The following PTPRE variants were observed in gnomAD, a reference collection of about 807,000 sequenced individuals.
The protein encoded by PTPRE is receptor-type tyrosine-protein phosphatase epsilon.
Under a neutral mutation model 102.0 loss-of-function variants are expected in PTPRE, and 51 were observed. That is an observed-to-expected ratio of 0.50 (90% CI 0.40 to 0.63). PTPRE has a LOEUF of 0.63. Ranked by LOEUF, PTPRE falls within the 30% of genes least tolerant of loss-of-function variation. PTPRE has a pLI of 0.00. For missense variants in PTPRE, 752 were observed against 915.1 expected (o/e 0.82, Z 2.30); for synonymous variants, 345 against 348.2 (o/e 0.99, Z 0.10).
intron 1 of PTPRE, chr10:127,964,845 T>G: frequency 3.1e-6 from 1 of 325,858 alleles, no homozygotes; most frequent in Admixed American, 4.2e-5. Flanking sequence ...TTGCAGCCAG[T>G]TGTCTAGTTG....
chr10:128,055,380 G>C (rs1030115191), intron 6 of PTPRE, among the ~76,000 whole-genome samples: 1 of 152,154 alleles, frequency 6.6e-6, no homozygotes, highest in South Asian at 2.1e-4. Flanking sequence ...TGCTCAGAGG[G>C]GATAGGGGCC....
chr10:127,987,343 T>A (rs1471811635), intron 2 of PTPRE: 1 of 1,280,068 alleles, frequency 7.8e-7, no homozygotes, highest in Non-Finnish European at 1.0e-6. Context: ...CAGGGAAACA[T>A]GGATTCTCCA....
intron 2 of PTPRE, among the ~76,000 whole-genome samples, chr10:127,992,153 G>A (rs979958463): frequency 6.6e-6 from 1 of 152,164 alleles, no homozygotes; most frequent in Non-Finnish European, 1.5e-5. Flanking sequence ...TCAGAGGGGT[G>A]AGAAAGGGAG....
chr10:128,060,329 C>T (rs1266278417), intron 7 of PTPRE, among the ~76,000 whole-genome samples: 1 of 152,278 alleles, frequency 6.6e-6, no homozygotes, highest in East Asian at 1.9e-4. Flanking sequence ...CAGCCTTCTA[C>T]CCCGGAAAAC....
intron 2 of PTPRE, among the ~76,000 whole-genome samples, chr10:128,003,998 T>A (rs1177895744): frequency 4.1e-5 from 6 of 148,034 alleles, no homozygotes; most frequent in Middle Eastern, 3.4e-3. Context: ...TGTAGGACAA[T>A]TTACACATGA....
At chr10:127,926,781 G>A (rs1847042305) in intron 1 of PTPRE, among the ~76,000 whole-genome samples, 1 of 149,196 alleles carries the variant, frequency 6.7e-6, no homozygotes, top group African/African-American at 2.5e-5. Context: ...GGAAGTGAGA[G>A]AGACCAAGGG....
At chr10:127,937,618 G>T (rs1013614578) in intron 1 of PTPRE, among the ~76,000 whole-genome samples, 2 of 152,326 alleles carry the variant, frequency 1.3e-5, no homozygotes, top group Admixed American at 1.3e-4. Context: ...CAGCACTTTG[G>T]GAGGTCAAGG....
Position 128,084,865 on chromosome 10 carries a change from G to C in PTPRE, c.*1959G>C. On this transcript the variant is annotated 3_prime_UTR_variant, in exon 21 of 21. Transcript: ENST00000254667. ...TCAAAGTCGAGGGGCACCGGCTTTG[G>C]TTCATGTCTAGGAGCCCTCTGTCAG... 5.4e-6 allele frequency: 1 copy of C among 183,822 alleles called. No individual in the cohort carries two copies. The highest frequency in any genetic ancestry group is 1.2e-5 in the Non-Finnish European group (1 of 84,344). The allele number at this position is 183,822 out of a possible 1,614,324, so 11.4% of individuals were successfully genotyped here.
intron 1 of PTPRE, among the ~76,000 whole-genome samples, chr10:127,954,738 G>A (rs1400214057): frequency 6.6e-6 from 1 of 152,018 alleles, no homozygotes; most frequent in East Asian, 1.9e-4. Context: ...TCCAACATAT[G>A]ATGCTCTTTC....
intron 3 of PTPRE, among the ~76,000 whole-genome samples, chr10:128,041,827 G>A (rs1329607972): frequency 1.3e-5 from 2 of 152,040 alleles, no homozygotes; most frequent in Non-Finnish European, 2.9e-5. Context: ...GGAAGTGGGG[G>A]TGGGGGCTTG....
intron 1 of PTPRE, among the ~76,000 whole-genome samples, chr10:127,939,947 C>A (rs557465041): frequency 6.7e-6 from 1 of 149,830 alleles, no homozygotes; most frequent in Non-Finnish European, 1.5e-5. Flanking sequence ...CAGGAGGAGG[C>A]AGGTGAGGGC....
chr10:128,002,060 G>A (rs1445616912), intron 2 of PTPRE, among the ~76,000 whole-genome samples: 2 of 152,156 alleles, frequency 1.3e-5, no homozygotes, highest in Admixed American at 6.5e-5. Context: ...CCACTGCCTC[G>A]GGAGCACAGA....
intron 1 of PTPRE, among the ~76,000 whole-genome samples, chr10:127,956,262 T>A (rs1849396179): frequency 6.6e-6 from 1 of 152,136 alleles, no homozygotes; most frequent in Non-Finnish European, 1.5e-5. Flanking sequence ...TTTGGGGTGT[T>A]GTCTGAGGGT....
intron 2 of PTPRE, among the ~76,000 whole-genome samples, chr10:127,989,848 G>A (rs1250181053): frequency 6.6e-6 from 1 of 152,194 alleles, no homozygotes; most frequent in African/African-American, 2.4e-5. Flanking sequence ...CATGTTATCT[G>A]CTGACCAAAT....
intron 6 of PTPRE, 148 bp from the exon 7 acceptor site, chr10:128,055,975 G>C (rs1848928414): frequency 3.1e-6 from 2 of 637,236 alleles, no homozygotes; most frequent in Admixed American, 5.4e-5. Flanking sequence ...CCCCATGCCT[G>C]GTGCAAGGTC....
chr10:127,949,509 A>C (rs1023265470), intron 1 of PTPRE, among the ~76,000 whole-genome samples: 2 of 152,176 alleles, frequency 1.3e-5, no homozygotes, highest in South Asian at 4.1e-4. Context: ...ATGCAAAATA[A>C]ATACATCCAT....
Position 127,907,449 on chromosome 10 carries a change from C to T in PTPRE, c.-31+140C>T, listed in dbSNP as rs903389768. On this transcript the variant is annotated intron_variant, in intron 1 of 20. Coordinates refer to ENST00000254667, the MANE Select transcript of PTPRE (RefSeq NM_006504.6). This position sits in a 1 kb window ranked among gnomAD's most constrained non-coding sequence, Gnocchi z 4.8. ...CCGGGGCTCAGAGTCCGGACCCCGG[C>T]CCCGCCGCCCCCGCGGCGCGCCCAG... is the stretch of plus-strand genomic sequence containing the variant. The T allele has an allele frequency of 9.3e-5, 50 of 536,582 alleles. 1 individual carries two copies. Among genetic ancestry groups the T allele is most frequent in the Non-Finnish European group, 1.1e-4 (48 of 420,984 alleles). The allele number at this position is 536,582 out of a possible 1,614,324, so 33.2% of individuals were successfully genotyped here.
Position 128,061,402 on chromosome 10 carries a change from TACATGTTCACCCAATTAG to T in PTPRE, c.589-275_589-258del, listed in dbSNP as rs1849580913. On this transcript the variant is annotated intron_variant, in intron 8 of 20. Transcript: ENST00000254667. ...TAAAAATACAACATAAAATAAATTG[TACATGTTCACCCAATTAG>T]AGGACAGAAATGTCTGCATGTCTGC... Among the ~76,000 whole-genome samples the T allele has an allele frequency of 3.9e-5, 6 of 152,322 alleles. No individual in the cohort carries two copies. The South Asian group carries it at 1.2e-3, about 32-fold the overall frequency.
At chr10:127,946,371 G>A (rs1589801724) in intron 1 of PTPRE, among the ~76,000 whole-genome samples, 1 of 152,200 alleles carries the variant, frequency 6.6e-6, no homozygotes, top group Admixed American at 6.5e-5. Context: ...TCATTTTGGG[G>A]CAAATAAGTA....
Sources: allele counts gnomAD v4.1 joint callset (sites outside exome capture counted in the v4.1 genomes callset), GRCh38; gene constraint gnomAD v4.1.1; non-coding constraint Gnocchi (gnomAD v3.1); transcripts MANE v1.5; gene names NCBI Gene and HGNC (gene_info 2026-07-23, HGNC 2026-07-21).